The following AGMO variants were observed in gnomAD, a reference collection of about 807,000 sequenced individuals.
AGMO encodes the protein alkylglycerol monooxygenase.
A neutral mutation model predicts 60.2 loss-of-function variants in AGMO; 75 were observed. The observed-to-expected ratio is 1.25, with a 90% CI of 1.03 to 1.51. AGMO has a LOEUF of 1.51. Among genes scored for constraint, AGMO ranks in the 40% most tolerant of loss-of-function variants. The pLI, the probability that AGMO is intolerant of heterozygous loss-of-function variation, is 0.00. For synonymous variants in AGMO, 261 were observed against 177.1 expected (o/e 1.47, Z -3.76); for missense variants, 763 against 525.5 (o/e 1.45, Z -4.42).
intron 10 of AGMO, among the ~76,000 whole-genome samples, chr7:15,367,249 AT>A (rs1025423549): frequency 8.3e-5 from 12 of 144,490 alleles, no homozygotes; most frequent in African/African-American, 2.9e-4. Flanking sequence ...ATAAATGATA[AT>A]TTTTTAAAAA....
intron 10 of AGMO, among the ~76,000 whole-genome samples, chr7:15,371,460 G>A (rs1389551523): frequency 6.6e-6 from 1 of 151,402 alleles, no homozygotes; most frequent in African/African-American, 2.4e-5. Flanking sequence ...GCGCCATCTC[G>A]GCTCACTGCA....
intron 12 of AGMO, among the ~76,000 whole-genome samples, chr7:15,321,785 T>C (rs1781115529): frequency 2.0e-5 from 3 of 152,034 alleles, no homozygotes; most frequent in Admixed American, 2.0e-4. Context: ...TCAAAAAGAT[T>C]TAAAAAATAT....
At chr7:15,242,599 A>G (rs1782623648) in intron 12 of AGMO, among the ~76,000 whole-genome samples, 2 of 152,158 alleles carry the variant, frequency 1.3e-5, no homozygotes, top group African/African-American at 4.8e-5. Context: ...TGTTAAACTG[A>G]TCAACAAATA....
At chr7:15,446,777 T>C (rs1208974561) in intron 3 of AGMO, among the ~76,000 whole-genome samples, 1 of 152,210 alleles carries the variant, frequency 6.6e-6, no homozygotes, top group Non-Finnish European at 1.5e-5. Flanking sequence ...GCCTCGTTTG[T>C]TCTTTGTAAA....
chr7:15,368,584 G>C (rs558480197), intron 10 of AGMO, among the ~76,000 whole-genome samples: 5 of 152,220 alleles, frequency 3.3e-5, no homozygotes, highest in South Asian at 2.1e-4. Flanking sequence ...GTTTGGCAAG[G>C]ACTGTAATCT....
chr7:15,462,083 A>G (rs981718264), intron 3 of AGMO, among the ~76,000 whole-genome samples: 41 of 152,172 alleles, frequency 2.7e-4, no homozygotes, highest in African/African-American at 9.9e-4. Context: ...TTCTAAAATT[A>G]AAACAAGACA....
intron 5 of AGMO, among the ~76,000 whole-genome samples, chr7:15,407,228 A>AATAGATATATATATATAT (rs1332532741): frequency 4.1e-5 from 3 of 72,434 alleles, no homozygotes; most frequent in African/African-American, 1.4e-4. Context: ...CTTTCTTTGG[A>AATAGATATATATATATAT]ATACATATAT....
At chr7:15,518,064 C>T (rs771012083) in intron 3 of AGMO, among the ~76,000 whole-genome samples, 1 of 152,114 alleles carries the variant, frequency 6.6e-6, no homozygotes, top group Non-Finnish European at 1.5e-5. Flanking sequence ...TCGGACTGGG[C>T]GGAGCCTACC....
At chr7:15,446,426 C>T (rs1236219195) in intron 3 of AGMO, among the ~76,000 whole-genome samples, 1 of 152,148 alleles carries the variant, frequency 6.6e-6, no homozygotes, top group Admixed American at 6.5e-5. Context: ...CCTGGTATTG[C>T]AGAGTTGCAT....
At chr7:15,474,461 TAATAAC>T (rs1414180358) in intron 3 of AGMO, among the ~76,000 whole-genome samples, 7 of 152,126 alleles carry the variant, frequency 4.6e-5, no homozygotes, top group African/African-American at 1.7e-4. Flanking sequence ...ATTCCCTATT[TAATAAC>T]TGGTGTCGGA....
At chr7:15,198,263 CAGAG>C (rs1331531844), downstream of AGMO, among the ~76,000 whole-genome samples, 2 of 60,936 alleles carry the variant, frequency 3.3e-5, no homozygotes, top group African/African-American at 7.3e-5. Context: ...GAGACAGAGA[CAGAG>C]AGAGAGTGTG....
intron 3 of AGMO, among the ~76,000 whole-genome samples, chr7:15,439,296 C>G (rs1781487527): frequency 6.6e-6 from 1 of 152,142 alleles, no homozygotes; most frequent in Non-Finnish European, 1.5e-5. Flanking sequence ...ACTAGGGAGG[C>G]TGAGGCAGGA....
At chr7:15,525,333 C>A (rs1430906703) in intron 3 of AGMO, among the ~76,000 whole-genome samples, 1 of 152,054 alleles carries the variant, frequency 6.6e-6, no homozygotes, top group Non-Finnish European at 1.5e-5. Flanking sequence ...GATTGAGAAC[C>A]CTTCCTCCCA....
chr7:15,255,060 G>C (rs1433542138), intron 12 of AGMO, among the ~76,000 whole-genome samples: 2 of 152,110 alleles, frequency 1.3e-5, no homozygotes, highest in Non-Finnish European at 2.9e-5. Context: ...CCTTCGCAGG[G>C]ACATGGATGA....
At chr7:15,245,833 A>T (rs1159500593) in intron 12 of AGMO, among the ~76,000 whole-genome samples, 1 of 152,184 alleles carries the variant, frequency 6.6e-6, no homozygotes, top group Non-Finnish European at 1.5e-5. Context: ...GAAACCAAAG[A>T]TTAAAGGAAT....
the AGMO span, among the ~76,000 whole-genome samples, chr7:15,175,813 A>G: frequency 1.3e-5 from 2 of 151,996 alleles, no homozygotes; most frequent in Admixed American, 6.6e-5. Context: ...ATCAACAAAT[A>G]TGGAATTCAA....
the AGMO span, among the ~76,000 whole-genome samples, chr7:15,167,912 AC>A: frequency 6.6e-6 from 1 of 152,236 alleles, no homozygotes; most frequent in South Asian, 2.1e-4. Context: ...TCATGGCAGG[AC>A]ACAGTGATCT....
chr7:15,250,466 T>C (rs1334206005), intron 12 of AGMO, among the ~76,000 whole-genome samples: 1 of 152,100 alleles, frequency 6.6e-6, no homozygotes, highest in Non-Finnish European at 1.5e-5. Flanking sequence ...TTATTCTCAA[T>C]ATCTGATGCT....
At chr7:15,239,576 T>C (rs185718735) in intron 12 of AGMO, among the ~76,000 whole-genome samples, 2 of 152,240 alleles carry the variant, frequency 1.3e-5, no homozygotes, top group African/African-American at 2.4e-5. Flanking sequence ...CCTATAGCAA[T>C]TCGTGTTGTT....
Sources: gnomAD v4.1 joint callset for allele counts (sites outside exome capture counted in the v4.1 genomes callset) on GRCh38, gnomAD v4.1.1 for gene constraint, MANE v1.5 for transcripts, NCBI Gene and HGNC (gene_info 2026-07-23, HGNC 2026-07-21) for gene names.